Variants in ESYT3 observed in about 807,000 individuals in gnomAD.
ESYT3 encodes extended synaptotagmin 3, also known as extended synaptotagmin-3.
In ESYT3, 101 loss-of-function variants were observed where a neutral mutation model predicts 111.5. The observed-to-expected ratio is 0.91, with a 90% CI of 0.77 to 1.07. The LOEUF (loss-of-function observed/expected upper bound fraction) is 1.07, where lower values mean the gene tolerates loss of function less well. ESYT3 is among the 50% of genes least tolerant of loss of function. ESYT3 has a pLI of 0.00. For synonymous variants in ESYT3, 416 were observed against 446.8 expected, an observed-to-expected ratio of 0.93 and a Z score of 0.87; for missense variants, 1,097 against 1,109.4, an observed-to-expected ratio of 0.99 and a Z score of 0.16.
Position 138,474,311 on chromosome 3 carries a change from T to G in ESYT3, c.2427T>G (p.Thr809=). ...GGAAGTGGGCATGTCGTAAGAAGACTTCAGTGAAGCGGAAGACCTTGGAAC... is the reference window on the plus strand; with the variant it reads ...GGAAGTGGGCATGTCGTAAGAAGACGTCAGTGAAGCGGAAGACCTTGGAAC... ...PERKWACRKK[T]SVKRKTLEPL... The change falls in exon 20 of 23, where the codon ACT becomes ACG. Residue 809 remains threonine, a synonymous_variant. Coordinates refer to ENST00000389567, the MANE Select transcript of ESYT3 (RefSeq NM_031913.5). The G allele has an allele frequency of 6.2e-7, 1 of 1,604,610 alleles. No homozygotes were observed. The highest frequency in any genetic ancestry group is 8.5e-7 in the Non-Finnish European group (1 of 1,177,684).
At chr3:138,462,564 G>A (rs769473082) in intron 8 of ESYT3, 3 of 395,672 alleles carry the variant, frequency 7.6e-6, no homozygotes, top group Non-Finnish European at 1.4e-5. Flanking sequence ...CATTTCCAAA[G>A]TCCAATTAAA....
intron 12 of ESYT3, 89 bp from the exon 13 acceptor site, chr3:138,468,566 C>T: frequency 7.2e-7 from 1 of 1,387,160 alleles, no homozygotes; most frequent in Non-Finnish European, 1.0e-6. Flanking sequence ...GGCTAGCTGG[C>T]TTTCTTCTGC....
chr3:138,475,094 CTT>C (rs1158029658), intron 20 of ESYT3, among the ~76,000 whole-genome samples: 1 of 152,160 alleles, frequency 6.6e-6, no homozygotes, highest in Non-Finnish European at 1.5e-5. Context: ...AAGAGCTACA[CTT>C]TGAGTTCATC....
At chr3:138,468,983 C>G in intron 14 of ESYT3, 102 bp downstream of exon 14, 1 of 1,244,180 alleles carries the variant, frequency 8.0e-7, no homozygotes, top group Non-Finnish European at 1.2e-6. Flanking sequence ...TCTGTGCACA[C>G]ACAGCCTGGG....
chr3:138,436,970 C>T (rs1352312543), intron 1 of ESYT3, among the ~76,000 whole-genome samples: 2 of 151,676 alleles, frequency 1.3e-5, no homozygotes, highest in African/African-American at 2.4e-5. Context: ...CTCTCCCCCA[C>T]ATACACCACA....
intron 1 of ESYT3, among the ~76,000 whole-genome samples, chr3:138,446,855 G>A (rs890595560): frequency 6.6e-6 from 1 of 151,972 alleles, no homozygotes; most frequent in Non-Finnish European, 1.5e-5. Context: ...ACCTAATCCC[G>A]TCTCTACCAA....
intron 10 of ESYT3, among the ~76,000 whole-genome samples, chr3:138,466,196 T>C (rs2108621702): frequency 6.6e-6 from 1 of 152,354 alleles, no homozygotes; most frequent in Non-Finnish European, 1.5e-5. Context: ...TTTGCATGTG[T>C]TCATGTTAGC....
intron 3 of ESYT3, among the ~76,000 whole-genome samples, chr3:138,457,159 C>CTGA (rs1215931223): frequency 9.2e-5 from 14 of 152,346 alleles, no homozygotes; most frequent in Middle Eastern, 3.4e-3. Context: ...CTGCCATAAG[C>CTGA]ATTCATTCAC....
intron 6 of ESYT3, among the ~76,000 whole-genome samples, chr3:138,460,248 A>C (rs2032548184): frequency 6.6e-6 from 1 of 152,190 alleles, no homozygotes; most frequent in African/African-American, 2.4e-5. Context: ...AGAAGGTCAC[A>C]CAGATGGTCT....
Position 138,479,569 on chromosome 3 carries a change from G to C in ESYT3, c.*2715G>C, listed in dbSNP as rs909361567. On this transcript the variant is annotated 3_prime_UTR_variant, in exon 23 of 23. Transcript: ENST00000389567. Reference sequence around the variant, plus strand: ...AGGACACTCTATAGCAGGAAGAAGGGGCTTTTCTTCTGATGTTTTCCATGG... The same window carrying C: ...AGGACACTCTATAGCAGGAAGAAGGCGCTTTTCTTCTGATGTTTTCCATGG... 5.9e-5 allele frequency: 9 copies of C among 152,206 alleles called. No homozygotes were observed. The highest frequency in any genetic ancestry group is 1.0e-4 in the Non-Finnish European group (7 of 68,052). 9.4% of individuals were successfully genotyped at this position (152,206 alleles called of 1,614,324 possible). A position where few individuals can be genotyped will look rare whatever the true frequency, so the allele number is the denominator to read the frequency against.
At chr3:138,452,387 T>C (rs2032001630) in intron 2 of ESYT3, among the ~76,000 whole-genome samples, 1 of 152,174 alleles carries the variant, frequency 6.6e-6, no homozygotes, top group African/African-American at 2.4e-5. Context: ...GAGGAAGACA[T>C]TAATTAGACA....
rs537021300 is a variant in ESYT3, at chr3:138,462,170, GC to G, written c.880del (p.Leu294TrpfsTer3). 1.1e-5 allele frequency: 17 copies of G among 1,614,210 alleles called. No homozygotes were observed. In the African/African-American group the frequency reaches 2.3e-4, roughly 22 times the overall value. On this transcript the variant is annotated frameshift_variant, in exon 8 of 23. Transcript: ENST00000389567. LOFTEE classifies it high-confidence loss of function. ...GTGTGACTGTGCCTGTGAAGAAGGGGCTGGATCTGACCAACCTGCGCTTCCC... is the reference window on the plus strand; with the variant it reads ...GTGTGACTGTGCCTGTGAAGAAGGGGTGGATCTGACCAACCTGCGCTTCCC... ...NRVTVPVKKG[L>X]DLTNLRFPLP...
chr3:138,451,548 C>T (rs1203626161), intron 1 of ESYT3, among the ~76,000 whole-genome samples: 1 of 152,202 alleles, frequency 6.6e-6, no homozygotes, highest in African/African-American at 2.4e-5. Flanking sequence ...CTGTGTTATC[C>T]TGGGGGTTTC....
chr3:138,474,563 A>T (rs1389140677), intron 20 of ESYT3: 1 of 455,776 alleles, frequency 2.2e-6, no homozygotes. Context: ...TTTACTGCTC[A>T]TAGAGGCTAA....
chr3:138,469,400 T>C, intron 14 of ESYT3, 36 bp from the exon 15 acceptor site: 1 of 1,584,308 alleles, frequency 6.3e-7, no homozygotes, highest in Non-Finnish European at 8.7e-7. Context: ...ATATTGACTA[T>C]GCCACCTTCA....
chr3:138,473,098 G>A, intron 18 of ESYT3: 1 of 1,398,308 alleles, frequency 7.2e-7, no homozygotes, highest in Non-Finnish European at 9.2e-7. Context: ...TGGTTGGTAA[G>A]GTCCCTTCCA....
rs2033582486 is a variant in ESYT3, at chr3:138,478,395, A to T, written c.*1541A>T. 1 of 152,192 alleles carries T rather than the reference A, an allele frequency of 6.6e-6. No homozygotes were observed. The highest frequency in any genetic ancestry group is 2.1e-4 in the South Asian group (1 of 4,826). The allele number at this position is 152,192 out of a possible 1,614,324, so 9.4% of individuals were successfully genotyped here. Reference sequence around the variant, plus strand: ...TTTTAAATGGCAAATTCTCATAATAAAATGGAGCATTGATGCCTACCCTGT... The same window carrying T: ...TTTTAAATGGCAAATTCTCATAATATAATGGAGCATTGATGCCTACCCTGT... On this transcript the variant is annotated 3_prime_UTR_variant, in exon 23 of 23. Coordinates refer to ENST00000389567, the MANE Select transcript of ESYT3 (RefSeq NM_031913.5).
intron 2 of ESYT3, among the ~76,000 whole-genome samples, chr3:138,452,496 C>T (rs1170969461): frequency 2.6e-5 from 4 of 152,150 alleles, no homozygotes. Context: ...GCTTCCTTAT[C>T]CGTAAAATGG....
chr3:138,458,855 C>A (rs894603996), intron 4 of ESYT3, among the ~76,000 whole-genome samples: 1 of 152,164 alleles, frequency 6.6e-6, no homozygotes, highest in African/African-American at 2.4e-5. Flanking sequence ...ACCAAGAGCC[C>A]CTCCTTTTCA....
Sources: gnomAD v4.1 joint callset for allele counts (sites outside exome capture counted in the v4.1 genomes callset) on GRCh38, gnomAD v4.1.1 for gene constraint, MANE v1.5 for transcripts, NCBI Gene and HGNC (gene_info 2026-07-23, HGNC 2026-07-21) for gene names.